Variants in IFT88 observed in about 807,000 individuals in gnomAD.
IFT88 encodes intraflagellar transport 88.
IFT88 carries 74 observed loss-of-function variants against 119.5 expected under a neutral mutation model. The ratio of observed to expected loss-of-function variants is 0.62; its 90% CI spans 0.51 to 0.75. The LOEUF (loss-of-function observed/expected upper bound fraction) is 0.75. IFT88 is among the 30% of genes least tolerant of loss of function. IFT88 has a pLI of 0.00. For missense variants in IFT88, 961 were observed against 977.7 expected (o/e 0.98, Z 0.23); for synonymous variants, 279 against 316.7 (o/e 0.88, Z 1.26).
intron 22 of IFT88, among the ~76,000 whole-genome samples, chr13:20,657,205 C>T (rs764064698): frequency 3.3e-5 from 5 of 152,140 alleles, no homozygotes; most frequent in Non-Finnish European, 7.3e-5. Context: ...TGTTAATATG[C>T]TGCGTACTCA....
chr13:20,623,928 G>A (rs1347799985), intron 14 of IFT88, among the ~76,000 whole-genome samples: 1 of 152,126 alleles, frequency 6.6e-6, no homozygotes, highest in African/African-American at 2.4e-5. Flanking sequence ...TCCTTTCCAA[G>A]TTGTTTGTTT....
chr13:20,623,806 C>T (rs910966957), intron 14 of IFT88, among the ~76,000 whole-genome samples: 3 of 152,158 alleles, frequency 2.0e-5, no homozygotes, highest in Non-Finnish European at 4.4e-5. Context: ...AAATTTCTCT[C>T]GGCAATGTTT....
chr13:20,661,602 G>T lies in IFT88; in HGVS notation c.2069-1896G>T, dbSNP rs184133680. ...TACAAAAAATTAGCTGGGCATAGTG[G>T]TGGGCACCTGTGATCCCAGCTACTC... On this transcript the variant is annotated intron_variant, in intron 22 of 25. Transcript: ENST00000351808. Among the ~76,000 whole-genome samples, 726 of 152,122 alleles carry T rather than the reference G, an allele frequency of 4.8e-3. 5 individuals carry two copies. Among genetic ancestry groups the T allele is most frequent in the African/African-American group, 0.016 (644 of 41,496 alleles).
At chr13:20,628,371 G>GC (rs1332109834) in intron 15 of IFT88, among the ~76,000 whole-genome samples, 1 of 152,220 alleles carries the variant, frequency 6.6e-6, no homozygotes, top group African/African-American at 2.4e-5. Context: ...GAAGCCAGGA[G>GC]CTAGATGGCA....
intron 12 of IFT88, among the ~76,000 whole-genome samples, chr13:20,602,134 A>G (rs990249375): frequency 6.6e-6 from 1 of 152,082 alleles, no homozygotes; most frequent in African/African-American, 2.4e-5. Context: ...GATTATGGTT[A>G]AAACAGACTG....
At chr13:20,680,725 A>G (rs1390646536) in intron 24 of IFT88, among the ~76,000 whole-genome samples, 1 of 152,192 alleles carries the variant, frequency 6.6e-6, no homozygotes, top group Non-Finnish European at 1.5e-5. Context: ...GTTCCTCCCA[A>G]AATCTCTTCC....
At chr13:20,624,027 A>G (rs1352776759) in intron 14 of IFT88, among the ~76,000 whole-genome samples, 1 of 152,082 alleles carries the variant, frequency 6.6e-6, no homozygotes, top group Non-Finnish European at 1.5e-5. Flanking sequence ...GGCATTTCTT[A>G]TTATCTTTTC....
intron 16 of IFT88, 36 bp from the exon 17 acceptor site, chr13:20,638,296 T>G: frequency 8.7e-7 from 1 of 1,151,530 alleles, no homozygotes; most frequent in Non-Finnish European, 1.1e-6. Flanking sequence ...AGGTATTTCA[T>G]GAAATTCAAA....
intron 23 of IFT88, among the ~76,000 whole-genome samples, chr13:20,668,147 G>C (rs189629592): frequency 1.2e-4 from 18 of 152,338 alleles, no homozygotes; most frequent in African/African-American, 3.8e-4. Flanking sequence ...GGCAAGGTCA[G>C]CTGCTGGGCC....
Position 20,630,978 on chromosome 13 carries a change from A to G in IFT88, c.1300-38A>G, listed in dbSNP as rs372636313. Reference sequence around the variant, plus strand: ...CGACCATAAGCTTGAGTACTGTCATATTACAGTGGTAGTAACCTTCAGATA... The same window carrying G: ...CGACCATAAGCTTGAGTACTGTCATGTTACAGTGGTAGTAACCTTCAGATA... On this transcript the variant is annotated intron_variant, in intron 15 of 25. Coordinates refer to ENST00000351808, the MANE Select transcript of IFT88 (RefSeq NM_006531.5). 16 of 1,202,542 alleles carry G rather than the reference A, an allele frequency of 1.3e-5. No individual in the cohort carries two copies. The African/African-American group carries it at 1.4e-4, about 11-fold the overall frequency. The allele number at this position is 1,202,542 out of a possible 1,614,324, so 74.5% of individuals were successfully genotyped here.
At chr13:20,653,991 C>A (rs2052284026) in intron 21 of IFT88, 63 bp downstream of exon 21, 4 of 868,316 alleles carry the variant, frequency 4.6e-6, no homozygotes, top group Non-Finnish European at 3.7e-6. Context: ...GGTAATTATG[C>A]ATATAAATGT....
intron 22 of IFT88, among the ~76,000 whole-genome samples, chr13:20,657,482 GGAA>G (rs1391096048): frequency 6.6e-5 from 10 of 152,146 alleles, no homozygotes; most frequent in African/African-American, 1.7e-4. Context: ...CAATTTATTG[GGAA>G]GAAGAAGTAT....
chr13:20,665,605 T>G (rs1429234662), intron 23 of IFT88, among the ~76,000 whole-genome samples: 1 of 152,254 alleles, frequency 6.6e-6, no homozygotes, highest in Non-Finnish European at 1.5e-5. Flanking sequence ...GCATGTTGAT[T>G]ACATTTTCTA....
intron 24 of IFT88, among the ~76,000 whole-genome samples, chr13:20,680,704 G>A (rs949725240): frequency 1.3e-5 from 2 of 152,162 alleles, no homozygotes; most frequent in African/African-American, 2.4e-5. Context: ...CTGCAACCGG[G>A]GGGTCCTCGG....
intron 2 of IFT88, 109 bp from the exon 3 acceptor site, chr13:20,582,848 G>T: frequency 1.3e-6 from 1 of 760,264 alleles, no homozygotes; most frequent in Non-Finnish European, 2.2e-6. Flanking sequence ...GTCAACAGTT[G>T]GCAATAGATG....
intron 24 of IFT88, 42 bp downstream of exon 24, chr13:20,671,081 T>C (rs1411382576): frequency 6.7e-7 from 1 of 1,490,562 alleles, no homozygotes; most frequent in Non-Finnish European, 9.4e-7. Flanking sequence ...GTTTCCACAT[T>C]TCTAGTATGT....
intron 14 of IFT88, among the ~76,000 whole-genome samples, chr13:20,620,191 G>A (rs527983487): frequency 1.3e-5 from 2 of 152,250 alleles, no homozygotes; most frequent in African/African-American, 4.8e-5. Flanking sequence ...GTGAAGTAAG[G>A]TCAAGATTTT....
At chr13:20,611,294 C>T (rs943681581) in intron 13 of IFT88, among the ~76,000 whole-genome samples, 1 of 151,362 alleles carries the variant, frequency 6.6e-6, no homozygotes, top group African/African-American at 2.4e-5. Context: ...GACAAACTCA[C>T]GGCTAACATC....
At chr13:20,670,945 T>G (rs2055737062) in intron 23 of IFT88, 28 bp from the exon 24 acceptor site, 1 of 1,603,946 alleles carries the variant, frequency 6.2e-7, no homozygotes, top group Admixed American at 1.7e-5. Context: ...GCACTTATTC[T>G]TTTAAACTTG....
Sources: allele counts gnomAD v4.1 joint callset (sites outside exome capture counted in the v4.1 genomes callset), GRCh38; gene constraint gnomAD v4.1.1; transcripts MANE v1.5; gene names NCBI Gene and HGNC (gene_info 2026-07-23, HGNC 2026-07-21).